LINGO2: variants seen among roughly 807,000 people sequenced by gnomAD.
LINGO2 encodes leucine-rich repeat and immunoglobulin-like domain-containing nogo receptor-interacting protein 2.
A neutral mutation model predicts 30.6 loss-of-function variants in LINGO2; 14 were observed. The observed-to-expected ratio is 0.46, with a 90% CI of 0.30 to 0.72. The LOEUF (loss-of-function observed/expected upper bound fraction) is 0.72, where lower values mean the gene tolerates loss of function less well. Ranked by LOEUF, LINGO2 falls within the 30% of genes least tolerant of loss-of-function variation. LINGO2 has a pLI of 0.07. For missense variants in LINGO2, 729 were observed against 751.7 expected, an observed-to-expected ratio of 0.97 and a Z score of 0.35; for synonymous variants, 317 against 288.5, an observed-to-expected ratio of 1.10 and a Z score of -1.00.
chr9:28,896,906 T>TGTAAGA, the LINGO2 span, among the ~76,000 whole-genome samples: 3 of 152,104 alleles, frequency 2.0e-5, no homozygotes, highest in Admixed American at 1.3e-4. Flanking sequence ...GTGACATACC[T>TGTAAGA]AAGTGTAAGA....
At chr9:28,380,678 T>C (rs896075624) in intron 2 of LINGO2, among the ~76,000 whole-genome samples, 10 of 152,034 alleles carry the variant, frequency 6.6e-5, no homozygotes, top group African/African-American at 2.4e-4. Flanking sequence ...TGGTAGCTAA[T>C]AGGAAGCTAC....
intron 4 of LINGO2, among the ~76,000 whole-genome samples, chr9:28,150,786 C>T (rs548287621): frequency 4.6e-5 from 7 of 152,184 alleles, no homozygotes; most frequent in African/African-American, 1.7e-4. Context: ...GCAGGAGCCT[C>T]GTAAAGCGCC....
At chr9:29,038,005 A>G in the LINGO2 span, among the ~76,000 whole-genome samples, 1 of 152,092 alleles carries the variant, frequency 6.6e-6, no homozygotes, top group Non-Finnish European at 1.5e-5. Context: ...TTACCCTTAT[A>G]TGAATACTTC....
chr9:28,220,489 TA>T (rs774277335), intron 4 of LINGO2, among the ~76,000 whole-genome samples: 1 of 152,206 alleles, frequency 6.6e-6, no homozygotes, highest in South Asian at 2.1e-4. Context: ...CTGCTATGGA[TA>T]TTTTTTTAGA....
At chr9:29,033,398 A>ATATATATATC in the LINGO2 span, among the ~76,000 whole-genome samples, 1 of 149,762 alleles carries the variant, frequency 6.7e-6, no homozygotes, top group African/African-American at 2.4e-5. Flanking sequence ...ATATATATAT[A>ATATATATATC]TCTCTTCTAT....
At chr9:28,277,838 A>C (rs1274160795) in intron 4 of LINGO2, among the ~76,000 whole-genome samples, 1 of 111,086 alleles carries the variant, frequency 9.0e-6, no homozygotes, top group Middle Eastern at 4.4e-3. Flanking sequence ...AAAACAAAAC[A>C]AAAAAAAAAA....
intron 1 of LINGO2, among the ~76,000 whole-genome samples, chr9:28,584,767 T>A: frequency 6.6e-6 from 1 of 152,134 alleles, no homozygotes. Context: ...TGAAGAGAGA[T>A]CAGAAAGAAA....
At position 28,524,809 on chromosome 9, in the gene LINGO2, T is replaced by C. The variant is rs542208925; in HGVS notation, c.-364-48784A>G. Among the ~76,000 whole-genome samples, 5 of 152,098 alleles carry C rather than the reference T, an allele frequency of 3.3e-5. No individual in the cohort carries two copies. In the South Asian group the frequency reaches 1.0e-3, roughly 32 times the overall value. On this transcript the variant is annotated intron_variant, in intron 1 of 5. Transcript: ENST00000379992. ...AAAGACTTGAAGAAACTCTTACAAT[T>C]TAATACTAAAAAGATAAACAATGGA... is the stretch of plus-strand genomic sequence containing the variant.
chr9:29,044,339 T>C, the LINGO2 span, among the ~76,000 whole-genome samples: 2 of 152,030 alleles, frequency 1.3e-5, no homozygotes, highest in Non-Finnish European at 2.9e-5. Flanking sequence ...TAATTAATTA[T>C]TTTATGATTT....
chr9:28,398,591 C>T (rs920793440), intron 2 of LINGO2, among the ~76,000 whole-genome samples: 8 of 151,812 alleles, frequency 5.3e-5, no homozygotes, highest in African/African-American at 1.9e-4. Context: ...TTTGAATATG[C>T]AGTTGGGGCC....
At chr9:28,442,603 T>C (rs1368770681) in intron 2 of LINGO2, among the ~76,000 whole-genome samples, 1 of 152,182 alleles carries the variant, frequency 6.6e-6, no homozygotes, top group African/African-American at 2.4e-5. Context: ...AAGGAACATA[T>C]ACTTCCATTA....
the LINGO2 span, among the ~76,000 whole-genome samples, chr9:29,070,644 G>A: frequency 6.6e-6 from 1 of 151,778 alleles, no homozygotes; most frequent in Admixed American, 6.6e-5. Context: ...GACAACCTAA[G>A]TGAAATATTT....
At chr9:28,950,027 A>T in the LINGO2 span, among the ~76,000 whole-genome samples, 1 of 152,200 alleles carries the variant, frequency 6.6e-6, no homozygotes, top group Non-Finnish European at 1.5e-5. Flanking sequence ...CCAGCAGCAC[A>T]TTAAAAAGTT....
intron 3 of LINGO2, among the ~76,000 whole-genome samples, chr9:28,349,629 G>A (rs1209730509): frequency 1.4e-5 from 2 of 139,250 alleles, no homozygotes; most frequent in Non-Finnish European, 3.1e-5. Context: ...ACAACGTTCA[G>A]ATTCAGGAAA....
intron 4 of LINGO2, among the ~76,000 whole-genome samples, chr9:28,109,987 CCAAACTATACTA>C (rs1826725033): frequency 6.6e-6 from 1 of 151,874 alleles, no homozygotes; most frequent in Admixed American, 6.6e-5. Flanking sequence ...CTACCTGTTT[CCAAACTATACTA>C]CAAGACTACA....
rs57876541 is a variant in LINGO2, at chr9:28,498,262, T to A, written c.-364-22237A>T. Among the ~76,000 whole-genome samples, 623 of 152,066 alleles carry A rather than the reference T, an allele frequency of 4.1e-3. 5 individuals are homozygous for A. The highest frequency in any genetic ancestry group is 0.014 in the African/African-American group (586 of 41,484). On this transcript the variant is annotated intron_variant, in intron 1 of 5. Coordinates refer to ENST00000379992, the Ensembl canonical transcript of LINGO2. ...CTATGCCCTGCCCCCAGAGGTGGAG[T>A]CTACAGAGGCAGGCAGGCCTCCTTG...
intron 4 of LINGO2, among the ~76,000 whole-genome samples, chr9:28,101,611 CT>C: frequency 6.6e-6 from 1 of 152,230 alleles, no homozygotes; most frequent in Non-Finnish European, 1.5e-5. Flanking sequence ...ATGTTTTAAG[CT>C]TTTCAATTAA....
At chr9:28,777,358 G>A in the LINGO2 span, among the ~76,000 whole-genome samples, 1 of 152,132 alleles carries the variant, frequency 6.6e-6, no homozygotes, top group Non-Finnish European at 1.5e-5. Context: ...AAGAAAAGTA[G>A]GCAGGGTCCT....
Position 28,508,524 on chromosome 9 carries a change from T to A in LINGO2, c.-364-32499A>T, listed in dbSNP as rs534038898. Among the ~76,000 whole-genome samples, 12 of 152,218 alleles carry A rather than the reference T, an allele frequency of 7.9e-5. No individual in the cohort carries two copies. The South Asian group carries it at 1.0e-3, about 13-fold the overall frequency. The stretch of plus-strand genomic sequence containing the variant: ...TACTCTCATTTTTGGTTAATTTTTT[T>A]AAAAAGTCTAGCCCATATGTGAAAT... On this transcript the variant is annotated intron_variant, in intron 1 of 5. Coordinates refer to ENST00000379992, the Ensembl canonical transcript of LINGO2.
Sources: allele counts gnomAD v4.1 joint callset (sites outside exome capture counted in the v4.1 genomes callset), GRCh38; gene constraint gnomAD v4.1.1; transcripts MANE v1.5; gene names NCBI Gene and HGNC (gene_info 2026-07-23, HGNC 2026-07-21).